Variants in CNBD1 observed in about 807,000 individuals in gnomAD.
CNBD1 encodes cyclic nucleotide binding domain containing 1, also known as cyclic nucleotide-binding domain-containing protein 1.
A neutral mutation model predicts 54.4 loss-of-function variants in CNBD1; 71 were observed. That is an observed-to-expected ratio of 1.30 (90% CI 1.08 to 1.59). The LOEUF (loss-of-function observed/expected upper bound fraction) is 1.59, where lower values mean the gene tolerates loss of function less well. Ranked by LOEUF, CNBD1 falls within the 40% of genes most tolerant of loss-of-function variation. CNBD1 has a pLI of 0.00. For missense variants in CNBD1, 659 were observed against 518.0 expected (o/e 1.27, Z -2.64); for synonymous variants, 182 against 170.7 (o/e 1.07, Z -0.51).
intron 4 of CNBD1, among the ~76,000 whole-genome samples, chr8:87,165,362 C>T (rs1488241420): frequency 2.6e-5 from 4 of 151,644 alleles, no homozygotes; most frequent in Admixed American, 2.0e-4. Context: ...TATTATAGTC[C>T]CCTACTGTTA....
chr8:87,414,881 A>T lies in CNBD1; in HGVS notation c.214-13665A>T, dbSNP rs146486343. On this transcript the variant is annotated intron_variant, in intron 2 of 7. Transcript: ENST00000521593. ...TTGAATGGAGAATCCATCTTATGAT[A>T]AACACAGAGCTTCACAGGCAGGATT... is the stretch of plus-strand genomic sequence containing the variant. Among the ~76,000 whole-genome samples, 341 of 152,184 alleles carry T rather than the reference A, an allele frequency of 2.2e-3. 4 individuals are homozygous for T. Among genetic ancestry groups the T allele is most frequent in the African/African-American group, 7.4e-3 (306 of 41,560 alleles).
intron 4 of CNBD1, among the ~76,000 whole-genome samples, chr8:86,955,517 T>C (rs895522256): frequency 1.3e-5 from 2 of 152,228 alleles, no homozygotes; most frequent in Non-Finnish European, 2.9e-5. Flanking sequence ...TTGTTAATGA[T>C]TGCCATTCTA....
chr8:87,377,314 C>G (rs1431443790), intron 10 of CNBD1, among the ~76,000 whole-genome samples: 2 of 149,482 alleles, frequency 1.3e-5, no homozygotes, highest in Non-Finnish European at 3.0e-5. Context: ...CCCCACACCC[C>G]ACAACAGTCC....
chr8:86,922,437 G>T (rs1809290225), intron 3 of CNBD1, among the ~76,000 whole-genome samples: 1 of 152,040 alleles, frequency 6.6e-6, no homozygotes, highest in South Asian at 2.1e-4. Context: ...GAAGGAAGAA[G>T]AAAGTTTGTA....
At chr8:87,345,901 T>A (rs1383568501) in intron 8 of CNBD1, among the ~76,000 whole-genome samples, 1 of 152,174 alleles carries the variant, frequency 6.6e-6, no homozygotes, top group African/African-American at 2.4e-5. Context: ...AAGAGGTGAC[T>A]AATTAATTTC....
At chr8:87,115,396 T>G (rs1347813278) in intron 4 of CNBD1, among the ~76,000 whole-genome samples, 1 of 151,990 alleles carries the variant, frequency 6.6e-6, no homozygotes, top group Non-Finnish European at 1.5e-5. Flanking sequence ...ATTTACCATA[T>G]TTTATGTTAA....
intron 2 of CNBD1, among the ~76,000 whole-genome samples, chr8:87,414,161 G>A (rs1322588944): frequency 6.6e-6 from 1 of 151,938 alleles, no homozygotes; most frequent in Non-Finnish European, 1.5e-5. Context: ...AGAAAATGTG[G>A]CACATATACA....
At chr8:87,308,224 G>T (rs1353861383) in intron 8 of CNBD1, among the ~76,000 whole-genome samples, 1 of 152,098 alleles carries the variant, frequency 6.6e-6, no homozygotes, top group Admixed American at 6.6e-5. Flanking sequence ...TTCAGTTATT[G>T]CTTGGTAACA....
chr8:87,394,364 A>G (rs552695399), intron 2 of CNBD1, among the ~76,000 whole-genome samples: 83 of 152,030 alleles, frequency 5.5e-4, no homozygotes, highest in African/African-American at 1.8e-3. Context: ...ATTCAGGTCT[A>G]TCTGCAATTT....
chr8:87,408,694 G>A (rs1404470638), intron 2 of CNBD1, among the ~76,000 whole-genome samples: 1 of 152,150 alleles, frequency 6.6e-6, no homozygotes, highest in Non-Finnish European at 1.5e-5. Flanking sequence ...AAGTTTATCA[G>A]CACAAGTTTT....
chr8:87,037,645 T>C (rs1809978302), intron 4 of CNBD1, among the ~76,000 whole-genome samples: 2 of 152,204 alleles, frequency 1.3e-5, no homozygotes, highest in African/African-American at 4.8e-5. Context: ...TTTTTTGTTA[T>C]CAAAGTATTT....
At chr8:87,378,036 G>A (rs1157001152) in intron 10 of CNBD1, among the ~76,000 whole-genome samples, 4,027 of 137,968 alleles carry the variant, frequency 0.029, 183 homozygotes, top group African/African-American at 0.11. Flanking sequence ...TGAGTTCATT[G>A]TAGATTCTGG....
chr8:87,237,209 G>T, intron 6 of CNBD1, 97 bp downstream of exon 6: 1 of 612,244 alleles, frequency 1.6e-6, no homozygotes, highest in Non-Finnish European at 2.8e-6. Context: ...TATCTTTAGA[G>T]TCCTGAAATA....
intron 8 of CNBD1, among the ~76,000 whole-genome samples, chr8:87,307,684 G>A (rs1809183865): frequency 6.6e-6 from 1 of 151,034 alleles, no homozygotes; most frequent in Non-Finnish European, 1.5e-5. Flanking sequence ...GTTGCAGTGA[G>A]CCAAGATTGT....
chr8:87,428,211 C>T (rs1219138867), intron 2 of CNBD1, among the ~76,000 whole-genome samples: 1 of 151,940 alleles, frequency 6.6e-6, no homozygotes, highest in African/African-American at 2.4e-5. Flanking sequence ...GTGTTTCAGC[C>T]TCTGTCATGG....
At chr8:87,381,590 A>G (rs1811075831) in intron 10 of CNBD1, among the ~76,000 whole-genome samples, 1 of 152,060 alleles carries the variant, frequency 6.6e-6, no homozygotes, top group Non-Finnish European at 1.5e-5. Context: ...TAATTGCAGC[A>G]TTATGCATAA....
intron 4 of CNBD1, among the ~76,000 whole-genome samples, chr8:87,138,815 G>T (rs770612097): frequency 6.6e-6 from 1 of 152,176 alleles, no homozygotes; most frequent in Non-Finnish European, 1.5e-5. Context: ...GTCCAGGATT[G>T]ATCCTGGGCA....
In CNBD1 at chr8:87,284,754, T is replaced by C. The variant is rs1808659988; in HGVS notation, c.848T>C (p.Val283Ala). The change falls in exon 7 of 11, where the codon GTG becomes GCG. Residue 283 changes from valine to alanine, a missense_variant. Coordinates refer to ENST00000518476, the MANE Select transcript of CNBD1 (RefSeq NM_173538.3). ...TCGGAAACACAGATGTTCTCGGTGG[T>C]GACAGAAGACGATTGTGAAATTCTT... ...NESETQMFSV[V>A]TEDDCEILKI... is the part of the protein sequence containing the mutation. 1 of 1,602,274 alleles carries C rather than the reference T, an allele frequency of 6.2e-7. No individual in the cohort carries two copies. The highest frequency in any genetic ancestry group is 1.1e-5 in the South Asian group (1 of 88,526).
chr8:87,183,651 T>G (rs1424068273), intron 4 of CNBD1, among the ~76,000 whole-genome samples: 1 of 152,196 alleles, frequency 6.6e-6, no homozygotes, highest in Non-Finnish European at 1.5e-5. Flanking sequence ...CTTTTTCATC[T>G]GTATGGGCTG....
Sources: allele counts gnomAD v4.1 joint callset (sites outside exome capture counted in the v4.1 genomes callset), GRCh38; gene constraint gnomAD v4.1.1; transcripts MANE v1.5; gene names NCBI Gene and HGNC (gene_info 2026-07-23, HGNC 2026-07-21).